The following GPC6 variants were observed in gnomAD, a reference collection of about 807,000 sequenced individuals.
The protein encoded by GPC6 is glypican 6, also known as glypican-6.
In GPC6, 14 loss-of-function variants were observed where a neutral mutation model predicts 55.2. The observed-to-expected ratio is 0.25, with a 90% CI of 0.17 to 0.40. The LOEUF is 0.40. GPC6 is among the 10% of genes least tolerant of loss of function. The pLI is 1.00. For synonymous variants in GPC6, 278 were observed against 259.6 expected (o/e 1.07, Z -0.68); for missense variants, 641 against 708.5 (o/e 0.90, Z 1.08).
intron 1 of GPC6, among the ~76,000 whole-genome samples, chr13:93,346,403 C>T (rs766535671): frequency 2.0e-5 from 3 of 152,168 alleles, no homozygotes; most frequent in African/African-American, 7.2e-5. Flanking sequence ...GAGAACACTT[C>T]GGGTGCTCCC....
intron 4 of GPC6, among the ~76,000 whole-genome samples, chr13:94,276,844 G>C (rs927801499): frequency 6.6e-6 from 1 of 152,152 alleles, no homozygotes; most frequent in East Asian, 1.9e-4. Context: ...TATCACTGAT[G>C]GGCATTTGGG....
chr13:94,000,695 C>T (rs188724036), intron 3 of GPC6, among the ~76,000 whole-genome samples: 35 of 152,222 alleles, frequency 2.3e-4, no homozygotes, highest in Admixed American at 5.9e-4. Context: ...TACATGAATT[C>T]AGTTATTATA....
At chr13:93,922,383 A>G (rs1877619220) in intron 3 of GPC6, among the ~76,000 whole-genome samples, 1 of 152,222 alleles carries the variant, frequency 6.6e-6, no homozygotes, top group African/African-American at 2.4e-5. Context: ...TGAATTTGGT[A>G]CTTGAGGACT....
intron 4 of GPC6, among the ~76,000 whole-genome samples, chr13:94,214,664 TC>T (rs760148766): frequency 6.6e-5 from 10 of 152,100 alleles, no homozygotes; most frequent in Non-Finnish European, 1.3e-4. Context: ...GATTTAACCT[TC>T]CCGTATTGAT....
intron 1 of GPC6, among the ~76,000 whole-genome samples, chr13:93,540,410 G>T (rs7333716): frequency 0.14 from 20,804 of 151,968 alleles, 1,674 homozygotes; most frequent in South Asian, 0.25. Flanking sequence ...TCCTAGGAGC[G>T]AATTATTAAC....
chr13:93,759,370 T>A (rs1884884408), intron 2 of GPC6, among the ~76,000 whole-genome samples: 1 of 152,146 alleles, frequency 6.6e-6, no homozygotes, highest in South Asian at 2.1e-4. Context: ...TCACACTGAT[T>A]CCTATGTCAG....
chr13:94,010,043 C>T (rs887684205), intron 3 of GPC6, among the ~76,000 whole-genome samples: 1 of 152,138 alleles, frequency 6.6e-6, no homozygotes, highest in Non-Finnish European at 1.5e-5. Flanking sequence ...GCATTTGAAT[C>T]ATTTAAAATA....
At chr13:93,298,568 G>A (rs1044047979) in intron 1 of GPC6, among the ~76,000 whole-genome samples, 1 of 152,006 alleles carries the variant, frequency 6.6e-6, no homozygotes, top group Non-Finnish European at 1.5e-5. Context: ...ACCAGTAACT[G>A]GGAGTACTAG....
At chr13:93,304,011 G>A (rs181596391) in intron 1 of GPC6, among the ~76,000 whole-genome samples, 1 of 151,796 alleles carries the variant, frequency 6.6e-6, no homozygotes, top group East Asian at 2.0e-4. Context: ...TGGGATTACA[G>A]GTGCTCACCA....
At chr13:93,596,703 TAA>T (rs71886549) in intron 2 of GPC6, among the ~76,000 whole-genome samples, 5,971 of 147,606 alleles carry the variant, frequency 0.04, 396 homozygotes, top group African/African-American at 0.14. Context: ...TAAGTATATA[TAA>T]GTGTGTATAC....
At chr13:93,932,970 G>GTTTTTTTTTTTTTTTTTT (rs1878252050) in intron 3 of GPC6, among the ~76,000 whole-genome samples, 1 of 116,394 alleles carries the variant, frequency 8.6e-6, no homozygotes. Context: ...GTTTTGTTTT[G>GTTTTTTTTTTTTTTTTTT]TTCTTTTTTT....
intron 3 of GPC6, among the ~76,000 whole-genome samples, chr13:93,952,305 C>G (rs1879285532): frequency 6.6e-6 from 1 of 152,002 alleles, no homozygotes; most frequent in Non-Finnish European, 1.5e-5. Flanking sequence ...CCAAAAATCT[C>G]AAAAATGAAT....
At chr13:94,302,939 G>A (rs901478294) in intron 5 of GPC6, among the ~76,000 whole-genome samples, 7 of 152,196 alleles carry the variant, frequency 4.6e-5, no homozygotes, top group Admixed American at 2.6e-4. Context: ...AGGACAAACC[G>A]AGGCACTTAG....
chr13:93,928,609 C>T (rs1201063996), intron 3 of GPC6, among the ~76,000 whole-genome samples: 1 of 152,078 alleles, frequency 6.6e-6, no homozygotes, highest in East Asian at 1.9e-4. Context: ...GACAAGGCCT[C>T]TAAATAACTA....
At chr13:94,190,339 T>G (rs1359653423) in intron 4 of GPC6, among the ~76,000 whole-genome samples, 1 of 152,130 alleles carries the variant, frequency 6.6e-6, no homozygotes, top group Non-Finnish European at 1.5e-5. Context: ...AGAAAAAATT[T>G]TACTTTTTCC....
At chr13:93,377,207 C>T (rs752514342) in intron 1 of GPC6, among the ~76,000 whole-genome samples, 10 of 152,102 alleles carry the variant, frequency 6.6e-5, no homozygotes, top group Admixed American at 2.0e-4. Flanking sequence ...AAAGATGGGC[C>T]AGAGAAACAC....
chr13:93,228,234 T>C (rs1052053199), intron 1 of GPC6, among the ~76,000 whole-genome samples: 1 of 152,082 alleles, frequency 6.6e-6, no homozygotes, highest in African/African-American at 2.4e-5. Context: ...CAAGGCTGGT[T>C]TGGGGACTTC....
intron 2 of GPC6, among the ~76,000 whole-genome samples, chr13:93,693,510 C>T (rs560720942): frequency 8.8e-6 from 1 of 114,268 alleles, no homozygotes; most frequent in Non-Finnish European, 2.1e-5. Context: ...TGTAGGGAGA[C>T]AGGCTCTTAC....
chr13:94,218,284 G>A (rs765283162), intron 4 of GPC6, among the ~76,000 whole-genome samples: 2 of 152,164 alleles, frequency 1.3e-5, no homozygotes, highest in African/African-American at 4.8e-5. Flanking sequence ...TAAAAGATGG[G>A]TAGTTGGTTC....
Sources: gnomAD v4.1 joint callset for allele counts (sites outside exome capture counted in the v4.1 genomes callset) on GRCh38, gnomAD v4.1.1 for gene constraint, MANE v1.5 for transcripts, NCBI Gene and HGNC (gene_info 2026-07-23, HGNC 2026-07-21) for gene names.